TSEN2: variants seen among roughly 807,000 people sequenced by gnomAD.
TSEN2 encodes the protein tRNA-splicing endonuclease subunit Sen2.
Under a neutral mutation model 59.2 loss-of-function variants are expected in TSEN2, and 54 were observed. The observed-to-expected ratio is 0.91, with a 90% confidence interval of 0.73 to 1.14. TSEN2 has a LOEUF of 1.14. Ranked by LOEUF, TSEN2 falls within the 50% of genes most tolerant of loss-of-function variation. The pLI is 0.00. For synonymous variants in TSEN2, 195 were observed against 198.2 expected (o/e 0.98, Z 0.14); for missense variants, 636 against 576.2 (o/e 1.10, Z -1.06).
intron 1 of TSEN2, among the ~76,000 whole-genome samples, chr3:12,487,906 A>G (rs892402334): frequency 1.3e-5 from 2 of 152,226 alleles, no homozygotes; most frequent in African/African-American, 4.8e-5. Flanking sequence ...AAGGAACCTT[A>G]TTTAGAAATT....
intron 6 of TSEN2, among the ~76,000 whole-genome samples, chr3:12,510,736 T>G (rs978709557): frequency 6.6e-6 from 1 of 152,168 alleles, no homozygotes; most frequent in African/African-American, 2.4e-5. Flanking sequence ...TTCCCTAGAA[T>G]TTTGTGGTTA....
At chr3:12,536,966 T>C (rs2057686324), downstream of TSEN2, among the ~76,000 whole-genome samples, 1 of 150,598 alleles carries the variant, frequency 6.6e-6, no homozygotes, top group South Asian at 2.1e-4. Flanking sequence ...AGCACGTCAC[T>C]GCACTCCAGC....
intron 8 of TSEN2, among the ~76,000 whole-genome samples, chr3:12,525,297 A>G (rs771797602): frequency 2.0e-5 from 3 of 152,220 alleles, no homozygotes; most frequent in Admixed American, 6.5e-5. Context: ...TGTCTGTCAT[A>G]TAATTACAGT....
chr3:12,527,252 C>T (rs952802082), intron 8 of TSEN2, among the ~76,000 whole-genome samples: 8 of 152,132 alleles, frequency 5.3e-5, no homozygotes, highest in Non-Finnish European at 7.4e-5. Flanking sequence ...AAAATACAGA[C>T]GCAAAACAAG....
intron 8 of TSEN2, among the ~76,000 whole-genome samples, chr3:12,525,324 A>T (rs1282850035): frequency 6.6e-6 from 1 of 152,198 alleles, no homozygotes; most frequent in Non-Finnish European, 1.5e-5. Flanking sequence ...TTTGTAAAAA[A>T]CAAGTCATTT....
Position 12,532,799 on chromosome 3 carries a change from G to A in TSEN2, c.*78G>A, listed in dbSNP as rs735640. The A allele has an allele frequency of 2.4e-3, 3,349 of 1,395,828 alleles. 95 individuals carry two copies. The Admixed American group carries it at 0.053, about 22-fold the overall frequency. The allele number at this position is 1,395,828 out of a possible 1,614,324, so 86.5% of individuals were successfully genotyped here. A position where few individuals can be genotyped will look rare whatever the true frequency, so the allele number is the denominator to read the frequency against. ...GTAAAAAGTTCTTTTTGTTGTAATC[G>A]TCCATTAATTCATAAGTTTTAAAGG... On this transcript the variant is annotated 3_prime_UTR_variant, in exon 12 of 12. Transcript: ENST00000284995.
downstream of TSEN2, among the ~76,000 whole-genome samples, chr3:12,536,485 A>T (rs768347435): frequency 1.3e-5 from 2 of 152,194 alleles, no homozygotes; most frequent in African/African-American, 2.4e-5. Flanking sequence ...AAAGAAGCAC[A>T]TCTCAGGAGG....
chr3:12,511,245 A>T (rs185804529), intron 6 of TSEN2: 1 of 152,276 alleles, frequency 6.6e-6, no homozygotes, highest in Admixed American at 6.5e-5. Flanking sequence ...ACTTGAAATC[A>T]TTAGAGTAGC....
At chr3:12,529,984 T>C (rs1575469908) in intron 10 of TSEN2, 111 bp downstream of exon 10, 25 of 1,511,602 alleles carry the variant, frequency 1.7e-5, no homozygotes, top group South Asian at 1.3e-5. Flanking sequence ...TTCATAACAT[T>C]CCTGCCAGTG....
intron 4 of TSEN2, among the ~76,000 whole-genome samples, chr3:12,500,048 G>A (rs759560753): frequency 5.3e-5 from 8 of 152,180 alleles, no homozygotes; most frequent in Admixed American, 6.5e-5. Flanking sequence ...TGATGGGCAC[G>A]TCCTGTGTCC....
chr3:12,493,004 A>G (rs1048328442), intron 3 of TSEN2, among the ~76,000 whole-genome samples: 1 of 152,208 alleles, frequency 6.6e-6, no homozygotes. Context: ...TATTATAGAT[A>G]TTTCATATAT....
chr3:12,496,404 C>T lies in TSEN2; in HGVS notation c.272-114C>T, dbSNP rs1575260582. On this transcript the variant is annotated intron_variant, in intron 3 of 11. Coordinates refer to ENST00000284995, the MANE Select transcript of TSEN2 (RefSeq NM_025265.4). ...TTGCCATTACTGACTGGACAGTAAA[C>T]TTTCTAGGTGTGTGATTTTGTGAAT... The T allele has an allele frequency of 1.2e-5, 14 of 1,167,798 alleles. No individual in the cohort carries two copies. The East Asian group carries it at 3.3e-4, about 27-fold the overall frequency. 72.3% of individuals were successfully genotyped at this position (1,167,798 alleles called of 1,614,324 possible). A position where few individuals can be genotyped will look rare whatever the true frequency, so the allele number is the denominator to read the frequency against.
chr3:12,484,221 G>C (rs2052347734), upstream of TSEN2, among the ~76,000 whole-genome samples: 1 of 152,242 alleles, frequency 6.6e-6, no homozygotes, highest in Admixed American at 6.5e-5. Context: ...TGTGACATTT[G>C]ACGGGTAACT....
downstream of TSEN2, among the ~76,000 whole-genome samples, chr3:12,536,684 T>C (rs993486287): frequency 2.0e-5 from 3 of 152,066 alleles, no homozygotes; most frequent in Admixed American, 2.0e-4. Context: ...GCAAAACCTA[T>C]AGATTGGTAT....
chr3:12,509,666 C>G (rs572017652), intron 6 of TSEN2, among the ~76,000 whole-genome samples: 62 of 152,314 alleles, frequency 4.1e-4, no homozygotes, highest in African/African-American at 1.5e-3. Flanking sequence ...CCCACCATGG[C>G]AGCACCCCAG....
At chr3:12,534,176 G>T (rs1037145347), downstream of TSEN2, among the ~76,000 whole-genome samples, 12 of 152,176 alleles carry the variant, frequency 7.9e-5, no homozygotes, top group African/African-American at 2.4e-4. Flanking sequence ...CCAGCTTTGT[G>T]CTCCCACACA....
chr3:12,534,647 C>CA (rs1381466891), downstream of TSEN2, among the ~76,000 whole-genome samples: 2 of 151,740 alleles, frequency 1.3e-5, no homozygotes, highest in African/African-American at 4.8e-5. Context: ...CTAAAAAATA[C>CA]AAAAAAACTA....
chr3:12,489,592 A>G (rs1476593976), intron 1 of TSEN2, among the ~76,000 whole-genome samples, 192 bp from the exon 2 acceptor site: 1 of 152,192 alleles, frequency 6.6e-6, no homozygotes, highest in African/African-American at 2.4e-5. Context: ...TAATTGCAGT[A>G]TTCTAGGTCA....
chr3:12,519,671 G>A lies in TSEN2; in HGVS notation c.1099+474G>A, dbSNP rs181158537. Among the ~76,000 whole-genome samples the A allele has an allele frequency of 3.9e-3, 591 of 152,182 alleles. 1 individual carries two copies. The highest frequency in any genetic ancestry group is 6.0e-3 in the Non-Finnish European group (406 of 68,010). ...TGAGGCAGGAGAATGGCGTGAACCC[G>A]GGAGGCAGAACTTGCAGTGAGCCGA... is the stretch of plus-strand genomic sequence containing the variant. On this transcript the variant is annotated intron_variant, in intron 8 of 11. Transcript: ENST00000284995.
Sources: gnomAD v4.1 joint callset for allele counts (sites outside exome capture counted in the v4.1 genomes callset) on GRCh38, gnomAD v4.1.1 for gene constraint, MANE v1.5 for transcripts, NCBI Gene and HGNC (gene_info 2026-07-23, HGNC 2026-07-21) for gene names.